The following PTPRD variants were observed in gnomAD, a reference collection of about 807,000 sequenced individuals.
PTPRD encodes protein tyrosine phosphatase receptor type D, also known as receptor-type tyrosine-protein phosphatase delta.
PTPRD carries 34 observed loss-of-function variants against 214.5 expected under a neutral mutation model. The observed-to-expected ratio is 0.16, with a 90% CI of 0.12 to 0.21. PTPRD has a LOEUF of 0.21. Among genes scored for constraint, PTPRD ranks in the 10% least tolerant of loss-of-function variants. The pLI is 1.00. For missense variants in PTPRD, 2,545 were observed against 2,398.7 expected (o/e 1.06, Z -1.27); for synonymous variants, 1,128 against 845.7 (o/e 1.33, Z -5.79).
chr9:9,753,258 C>G (rs1228006878), intron 6 of PTPRD, among the ~76,000 whole-genome samples: 1 of 151,916 alleles, frequency 6.6e-6, no homozygotes, highest in East Asian at 1.9e-4. Context: ...CATTTTGTAG[C>G]TTCATAGCCC....
At chr9:10,077,898 G>C (rs2098161034) in intron 3 of PTPRD, among the ~76,000 whole-genome samples, 1 of 151,518 alleles carries the variant, frequency 6.6e-6, no homozygotes, top group South Asian at 2.1e-4. Flanking sequence ...GTTCATTCTG[G>C]TTTTGGTAAT....
intron 4 of PTPRD, among the ~76,000 whole-genome samples, chr9:10,009,167 C>T (rs1203547306): frequency 2.0e-5 from 3 of 151,890 alleles, no homozygotes; most frequent in Non-Finnish European, 1.5e-5. Flanking sequence ...TTAAAGCTTT[C>T]GCCTGGCACT....
intron 11 of PTPRD, among the ~76,000 whole-genome samples, chr9:8,764,182 C>T (rs12343256): frequency 0.055 from 8,323 of 152,188 alleles, 573 homozygotes; most frequent in African/African-American, 0.16. Flanking sequence ...GGCATTACAT[C>T]AGATATGACA....
intron 4 of PTPRD, among the ~76,000 whole-genome samples, chr9:9,967,244 G>A (rs902947540): frequency 6.6e-6 from 1 of 152,160 alleles, no homozygotes; most frequent in Non-Finnish European, 1.5e-5. Flanking sequence ...CCTCAGAGTT[G>A]TGAGAATTAC....
At chr9:9,776,318 C>G (rs542552332) in intron 5 of PTPRD, among the ~76,000 whole-genome samples, 4 of 152,160 alleles carry the variant, frequency 2.6e-5, no homozygotes, top group Admixed American at 1.3e-4. Flanking sequence ...CCATCTTTAT[C>G]CTAGTCTTAG....
chr9:9,011,946 T>C (rs1380181446), intron 11 of PTPRD, among the ~76,000 whole-genome samples: 1 of 152,144 alleles, frequency 6.6e-6, no homozygotes, highest in East Asian at 1.9e-4. Flanking sequence ...CAATAGAACT[T>C]GGTAAAGATG....
At chr9:9,485,881 G>T (rs1335615273) in intron 8 of PTPRD, among the ~76,000 whole-genome samples, 3 of 152,092 alleles carry the variant, frequency 2.0e-5, no homozygotes, top group Admixed American at 6.5e-5. Flanking sequence ...GGCCGGGTGG[G>T]GTGGCTCACG....
intron 2 of PTPRD, among the ~76,000 whole-genome samples, chr9:10,481,580 A>G (rs2099098221): frequency 6.6e-6 from 1 of 152,182 alleles, no homozygotes; most frequent in Non-Finnish European, 1.5e-5. Flanking sequence ...CATGAGAAAG[A>G]AGTTAAAATA....
intron 11 of PTPRD, among the ~76,000 whole-genome samples, chr9:8,911,924 T>C (rs982471128): frequency 5.3e-5 from 8 of 152,148 alleles, no homozygotes; most frequent in African/African-American, 1.4e-4. Context: ...CGTTAGTCAT[T>C]AGATAAATGC....
intron 2 of PTPRD, among the ~76,000 whole-genome samples, chr9:10,399,837 T>A (rs560009454): frequency 6.6e-6 from 1 of 151,702 alleles, no homozygotes; most frequent in African/African-American, 2.4e-5. Flanking sequence ...CTACAAGTGG[T>A]GGGAAGAAAA....
intron 9 of PTPRD, among the ~76,000 whole-genome samples, chr9:9,227,428 C>A (rs1156371339): frequency 6.6e-6 from 1 of 152,244 alleles, no homozygotes; most frequent in East Asian, 1.9e-4. Context: ...CTATCTGGCC[C>A]TGGCTTCCTC....
chr9:8,490,172 A>G (rs2097122126), intron 27 of PTPRD, among the ~76,000 whole-genome samples: 1 of 152,200 alleles, frequency 6.6e-6, no homozygotes, highest in Non-Finnish European at 1.5e-5. Flanking sequence ...ATTTTTCAGC[A>G]GGGTCTTAAT....
chr9:8,611,314 G>A (rs1595210160), intron 14 of PTPRD, among the ~76,000 whole-genome samples: 1 of 152,210 alleles, frequency 6.6e-6, no homozygotes, highest in Admixed American at 6.5e-5. Flanking sequence ...CTTGCCAGTT[G>A]GGCAAAGCTA....
At chr9:9,972,215 T>C (rs1458376521) in intron 4 of PTPRD, among the ~76,000 whole-genome samples, 3 of 152,136 alleles carry the variant, frequency 2.0e-5, no homozygotes, top group African/African-American at 7.2e-5. Flanking sequence ...TTTCTAGTAG[T>C]GTTCTTTCTT....
At chr9:8,634,153 G>A (rs951444804) in intron 13 of PTPRD, among the ~76,000 whole-genome samples, 4 of 151,672 alleles carry the variant, frequency 2.6e-5, no homozygotes, top group African/African-American at 2.4e-5. Flanking sequence ...CACTAAGCCT[G>A]AATTCACCAT....
intron 2 of PTPRD, among the ~76,000 whole-genome samples, chr9:10,374,949 G>A (rs1427317832): frequency 6.6e-6 from 1 of 151,798 alleles, no homozygotes; most frequent in Non-Finnish European, 1.5e-5. Context: ...CAGCAGCATG[G>A]GATATTTATT....
Position 9,742,219 on chromosome 9 carries a change from T to C in PTPRD, c.-325-7648A>G, listed in dbSNP as rs551405082. On this transcript the variant is annotated intron_variant, in intron 6 of 45. Coordinates refer to ENST00000381196, the MANE Select transcript of PTPRD (RefSeq NM_002839.4). ...ATGTCTTCTTTTGAGAAGTGTCTGTTCAAATTAAATTAGTAAAATTGGCTG... is the reference window on the plus strand; with the variant it reads ...ATGTCTTCTTTTGAGAAGTGTCTGTCCAAATTAAATTAGTAAAATTGGCTG... 2.6e-5 allele frequency among the ~76,000 whole-genome samples: 4 copies of C among 152,268 alleles called. No individual in the cohort carries two copies. The South Asian group carries it at 8.3e-4, about 32-fold the overall frequency.
At chr9:10,090,495 G>T (rs2098416128) in intron 3 of PTPRD, among the ~76,000 whole-genome samples, 2 of 151,008 alleles carry the variant, frequency 1.3e-5, no homozygotes, top group South Asian at 4.2e-4. Flanking sequence ...CATTCACCAT[G>T]ATTTTAACAA....
chr9:10,018,608 C>T (rs1176451128), intron 4 of PTPRD, among the ~76,000 whole-genome samples: 3 of 111,662 alleles, frequency 2.7e-5, no homozygotes, highest in African/African-American at 3.3e-5. Context: ...AGTGCAGTGG[C>T]GGGATCTCGG....
Sources: allele counts gnomAD v4.1 joint callset (sites outside exome capture counted in the v4.1 genomes callset), GRCh38; gene constraint gnomAD v4.1.1; transcripts MANE v1.5; gene names NCBI Gene and HGNC (gene_info 2026-07-23, HGNC 2026-07-21).